The following SLC38A8 variants were observed in gnomAD, a reference collection of about 807,000 sequenced individuals.
SLC38A8 encodes the protein solute carrier family 38 member 8.
In SLC38A8, 65 loss-of-function variants were observed where a neutral mutation model predicts 46.0. That is an observed-to-expected ratio of 1.41 (90% CI 1.16 to 1.74). The LOEUF (loss-of-function observed/expected upper bound fraction) is 1.74. SLC38A8 is among the 40% of genes most tolerant of loss of function. The pLI, the probability that SLC38A8 is intolerant of heterozygous loss-of-function variation, is 0.00. For synonymous variants in SLC38A8, 447 were observed against 243.7 expected (o/e 1.83, Z -7.77); for missense variants, 998 against 567.9 (o/e 1.76, Z -7.70).
At chr16:84,035,128 G>A (rs959060218) in intron 3 of SLC38A8, among the ~76,000 whole-genome samples, 6 of 152,180 alleles carry the variant, frequency 3.9e-5, no homozygotes, top group African/African-American at 9.7e-5. Flanking sequence ...TCCGTCCTCT[G>A]ACTAGTCAGG....
At chr16:84,036,651 C>A in intron 3 of SLC38A8, 51 bp downstream of exon 3, 2 of 1,601,658 alleles carry the variant, frequency 1.2e-6, no homozygotes, top group South Asian at 2.2e-5. Context: ...TCCAAGAGGT[C>A]ATTAGAGGTC....
intron 6 of SLC38A8, among the ~76,000 whole-genome samples, chr16:84,026,126 G>C (rs1032262993): frequency 1.3e-5 from 2 of 152,254 alleles, no homozygotes; most frequent in African/African-American, 4.8e-5. Context: ...GCACAGCTGA[G>C]TCCAATATAA....
intron 6 of SLC38A8, among the ~76,000 whole-genome samples, chr16:84,024,196 G>C (rs1368107339): frequency 6.6e-6 from 1 of 152,192 alleles, no homozygotes; most frequent in East Asian, 1.9e-4. Flanking sequence ...CCACTCTGTG[G>C]TGCTAGAAGG....
At chr16:84,012,909 G>C (rs1337396846) in intron 10 of SLC38A8, 92 bp downstream of exon 10, 6 of 1,365,162 alleles carry the variant, frequency 4.4e-6, no homozygotes, top group South Asian at 3.7e-5. Flanking sequence ...AGGATGCAGA[G>C]GATGAGAAAT....
chr16:84,033,962 G>C (rs779056302), intron 3 of SLC38A8, among the ~76,000 whole-genome samples: 12 of 152,186 alleles, frequency 7.9e-5, no homozygotes, highest in Non-Finnish European at 1.5e-5. Flanking sequence ...ACAAGTCATG[G>C]ATCGTAGGTA....
chr16:84,041,835 C>A, intron 2 of SLC38A8, 134 bp downstream of exon 2: 4 of 787,304 alleles, frequency 5.1e-6, no homozygotes, highest in Non-Finnish European at 8.0e-6. Flanking sequence ...ATTAGCTGAG[C>A]GGGATAGAAA....
chr16:84,021,653 G>A (rs2085097696), intron 7 of SLC38A8, among the ~76,000 whole-genome samples: 1 of 152,160 alleles, frequency 6.6e-6, no homozygotes, highest in Admixed American at 6.5e-5. Context: ...TGCACTCATT[G>A]CCCAGCTCCA....
rs545727294 is a variant in SLC38A8 at position 84,022,827 on chromosome 16, G to A, written c.753C>T (p.Ala251=). Residue 251 remains alanine (A), a synonymous_variant, in exon 7 of 11, where the codon GCC becomes GCT. Coordinates refer to ENST00000299709, the MANE Select transcript of SLC38A8 (RefSeq NM_001080442.3). ...SMRKRSLSHW[A]LVSVLSLLAC... ...CCAGCAAGGACAGCACAGACACCAG[G>A]GCCCAGTGGGAGAGGCTCCGTTTGC... 1.3e-5 allele frequency: 21 copies of A among 1,613,526 alleles called. No homozygotes were observed. In the East Asian group the frequency reaches 3.3e-4, roughly 26 times the overall value.
In SLC38A8 at chr16:84,016,567, C is replaced by A; in HGVS notation, c.1114G>T (p.Val372Phe). 6.2e-7 allele frequency: 1 copy of A among 1,614,086 alleles called. No individual in the cohort carries two copies. Among genetic ancestry groups the A allele is most frequent in the Non-Finnish European group, 8.5e-7 (1 of 1,180,022 alleles). Residue 372 changes from valine (V) to phenylalanine (F), a missense_variant, in exon 9 of 11, where the codon GTC becomes TTC. By Grantham distance (50) the Val-to-Phe change is conservative. Transcript: ENST00000299709. The stretch of plus-strand genomic sequence containing the variant: ...GAACTGATGCCTCCGATGATGCTGA[C>A]GATCTCGCTGAGGTCAGGCATAAAC... ...ALFMPDLSEI[V>F]SIIGGISSFF...
chr16:84,033,751 C>T (rs1480719065), intron 3 of SLC38A8, among the ~76,000 whole-genome samples: 4 of 152,162 alleles, frequency 2.6e-5, no homozygotes, highest in Non-Finnish European at 5.9e-5. Context: ...AGCCATCTGC[C>T]CTCGTGCCCC....
rs948215115 is a variant in SLC38A8, at chr16:84,013,050, A to T, written c.1165T>A (p.Leu389Met). 4 of 1,614,152 alleles carry T rather than the reference A, an allele frequency of 2.5e-6. No homozygotes were observed. Among genetic ancestry groups the T allele is most frequent in the Non-Finnish European group, 2.5e-6 (3 of 1,179,984 alleles). The change falls in exon 10 of 11, where the codon TTG becomes ATG. Residue 389 changes from leucine to methionine, a missense_variant and splice_region_variant. Coordinates refer to ENST00000299709, the MANE Select transcript of SLC38A8 (RefSeq NM_001080442.3). ...SSFFIFIFPG[L>M]CLICAMGVEP... ...ACACCCATTGCACAGATGAGGCACA[A>T]ACCTGCAAAAAAGACAGGGTCACCC...
At chr16:84,023,885 CTG>C (rs961401953) in intron 6 of SLC38A8, among the ~76,000 whole-genome samples, 2 of 152,214 alleles carry the variant, frequency 1.3e-5, no homozygotes, top group Non-Finnish European at 2.9e-5. Flanking sequence ...CACAGTGACA[CTG>C]TGTCTCAAAA....
At chr16:84,037,295 G>A (rs887196093) in intron 2 of SLC38A8, among the ~76,000 whole-genome samples, 9 of 152,364 alleles carry the variant, frequency 5.9e-5, no homozygotes, top group African/African-American at 1.7e-4. Context: ...GCACAGCCGG[G>A]CTCAGGTTCT....
intron 6 of SLC38A8, among the ~76,000 whole-genome samples, chr16:84,027,945 C>T (rs533640611): frequency 5.3e-5 from 8 of 152,146 alleles, no homozygotes; most frequent in African/African-American, 1.4e-4. Flanking sequence ...AAATATTGGG[C>T]GTGCAGGAAG....
At chr16:84,015,494 T>G (rs2085014443) in intron 9 of SLC38A8, among the ~76,000 whole-genome samples, 1 of 152,050 alleles carries the variant, frequency 6.6e-6, no homozygotes, top group Non-Finnish European at 1.5e-5. Context: ...AAACAAAATC[T>G]TTTAGCAGGA....
chr16:84,011,503 A>T (rs2084952993), intron 10 of SLC38A8, among the ~76,000 whole-genome samples: 1 of 152,198 alleles, frequency 6.6e-6, no homozygotes, highest in African/African-American at 2.4e-5. Context: ...CCGGGGGTAT[A>T]GGGGAACAGA....
chr16:84,023,557 C>T (rs942898187), intron 6 of SLC38A8, among the ~76,000 whole-genome samples: 2 of 152,016 alleles, frequency 1.3e-5, no homozygotes, highest in Admixed American at 1.3e-4. Flanking sequence ...AACCATGCAC[C>T]TCAACACAGA....
At chr16:84,032,277 C>A (rs896392219) in intron 4 of SLC38A8, among the ~76,000 whole-genome samples, 1 of 152,220 alleles carries the variant, frequency 6.6e-6, no homozygotes. Flanking sequence ...CAAACTCTGC[C>A]TCCCGGGTTC....
intron 6 of SLC38A8, 120 bp downstream of exon 6, chr16:84,029,374 T>G: frequency 1.0e-6 from 1 of 992,132 alleles, no homozygotes; most frequent in Non-Finnish European, 1.5e-6. Context: ...GAGCCCACTG[T>G]ATCCTAGGAG....
Sources: gnomAD v4.1 joint callset for allele counts (sites outside exome capture counted in the v4.1 genomes callset) on GRCh38, gnomAD v4.1.1 for gene constraint, MANE v1.5 for transcripts, NCBI Gene and HGNC (gene_info 2026-07-23, HGNC 2026-07-21) for gene names.